Variants in TMEM260 observed in about 807,000 individuals in gnomAD.
TMEM260 encodes transmembrane protein 260.
In TMEM260, 82 loss-of-function variants were observed where a neutral mutation model predicts 88.9. That is an observed-to-expected ratio of 0.92 (90% CI 0.77 to 1.11). The LOEUF (loss-of-function observed/expected upper bound fraction) is 1.11. Among genes scored for constraint, TMEM260 ranks in the 50% least tolerant of loss-of-function variants. TMEM260 has a pLI of 0.00. For synonymous variants in TMEM260, 314 were observed against 309.3 expected (o/e 1.02, Z -0.16); for missense variants, 902 against 853.4 (o/e 1.06, Z -0.71).
At chr14:56,638,255 G>C (rs1281788531) in intron 15 of TMEM260, 2 of 151,588 alleles carry the variant, frequency 1.3e-5, no homozygotes, top group African/African-American at 4.9e-5. Context: ...CCAGCTTCTA[G>C]GCCCACTCTG....
chr14:56,601,089 C>T lies in TMEM260; in HGVS notation c.345-2726C>T, dbSNP rs546357196. Among the ~76,000 whole-genome samples the T allele has an allele frequency of 2.6e-5, 4 of 152,286 alleles. No homozygotes were observed. In the South Asian group the frequency reaches 6.2e-4, roughly 24 times the overall value. ...CATGTACCTAACTTTGTGTAACAAT[C>T]TAAGGTAACCAGATAAATGTTATCA... On this transcript the variant is annotated intron_variant, in intron 3 of 15. Transcript: ENST00000261556.
At chr14:56,600,864 C>T (rs1886531515) in intron 3 of TMEM260, among the ~76,000 whole-genome samples, 1 of 152,146 alleles carries the variant, frequency 6.6e-6, no homozygotes, top group African/African-American at 2.4e-5. Context: ...GATTTGATTT[C>T]CATTACTGGT....
chr14:56,629,399 C>G (rs1437102112), intron 12 of TMEM260, among the ~76,000 whole-genome samples: 2 of 150,424 alleles, frequency 1.3e-5, no homozygotes, highest in African/African-American at 2.4e-5. Flanking sequence ...TCATATAAGT[C>G]TTTTACTTTT....
downstream of TMEM260, among the ~76,000 whole-genome samples, chr14:56,650,787 G>C (rs1235858204): frequency 6.6e-6 from 1 of 152,006 alleles, no homozygotes; most frequent in African/African-American, 2.4e-5. Context: ...GTGAAATATT[G>C]TGAATCTTTC....
At position 56,648,690 on chromosome 14, in the gene TMEM260, A is replaced by G. The variant is rs959134056; in HGVS notation, c.*1193A>G. ...ATCAAAGGTCTCCTGTGGAGCTTGC[A>G]TGGTTCCCTTTCATACTACGACCAT... is the stretch of plus-strand genomic sequence containing the variant. On this transcript the variant is annotated 3_prime_UTR_variant, in exon 16 of 16. Transcript: ENST00000261556. 1.3e-5 allele frequency: 2 copies of G among 152,650 alleles called. No individual in the cohort carries two copies. Among genetic ancestry groups the G allele is most frequent in the Non-Finnish European group, 2.9e-5 (2 of 68,054 alleles). 9.5% of individuals were successfully genotyped at this position (152,650 alleles called of 1,614,324 possible). A position where few individuals can be genotyped will look rare whatever the true frequency, so the allele number is the denominator to read the frequency against.
intron 15 of TMEM260, among the ~76,000 whole-genome samples, chr14:56,645,194 C>G (rs1451266223): frequency 2.0e-5 from 3 of 150,544 alleles, no homozygotes; most frequent in African/African-American, 7.3e-5. Flanking sequence ...CACATGCACA[C>G]ATATGTTTAT....
chr14:56,628,323 C>T (rs982185801), intron 12 of TMEM260, among the ~76,000 whole-genome samples: 2 of 152,334 alleles, frequency 1.3e-5, no homozygotes, highest in Admixed American at 6.5e-5. Context: ...TACGCAACCT[C>T]TGTCAAATAT....
intron 3 of TMEM260, among the ~76,000 whole-genome samples, chr14:56,588,548 C>G (rs1275095555): frequency 6.7e-6 from 1 of 150,346 alleles, no homozygotes; most frequent in African/African-American, 2.5e-5. Context: ...ATGTCATTAA[C>G]ACTGCATTTT....
the TMEM260 span, among the ~76,000 whole-genome samples, chr14:56,662,769 TGCAAG>T: frequency 6.6e-6 from 1 of 152,238 alleles, no homozygotes; most frequent in African/African-American, 2.4e-5. Flanking sequence ...GAACCCTCAG[TGCAAG>T]GGCATTTGGG....
intron 10 of TMEM260, among the ~76,000 whole-genome samples, chr14:56,619,733 C>T (rs577984087): frequency 1.3e-5 from 2 of 152,252 alleles, no homozygotes; most frequent in South Asian, 4.1e-4. Flanking sequence ...TCTCTTTTAA[C>T]TTAACTTTAA....
rs1264983996 is a variant in TMEM260, at chr14:56,621,673, A to G, written c.1369A>G (p.Arg457Gly). The stretch of plus-strand genomic sequence containing the variant: ...TTACATGCATTACTGTGAGGGGTTG[A>G]GGCCTGACATTTCATTAGTGGATCA... ...LRYMHYCEGL[R>G]PDISLVDQEM... Residue 457 changes from arginine to glycine, a missense_variant, in exon 11 of 16, where the codon AGG (arginine) becomes GGG (glycine). Arg to Gly is a moderately radical substitution (Grantham distance 125). Transcript: ENST00000261556. 2 of 1,611,236 alleles carry G rather than the reference A, an allele frequency of 1.2e-6. No homozygotes were observed. Among genetic ancestry groups the G allele is most frequent in the African/African-American group, 2.7e-5 (2 of 74,856 alleles).
intron 15 of TMEM260, among the ~76,000 whole-genome samples, chr14:56,644,499 T>A (rs560532669): frequency 0.016 from 2,505 of 152,168 alleles, 61 homozygotes; most frequent in African/African-American, 0.056. Context: ...ATACAAAAAT[T>A]AATTCAAGAT....
intron 7 of TMEM260, among the ~76,000 whole-genome samples, chr14:56,614,653 A>C (rs752258015): frequency 1.3e-5 from 2 of 152,218 alleles, no homozygotes; most frequent in South Asian, 4.1e-4. Context: ...GGCCTCCTTT[A>C]CATTAAAATA....
chr14:56,597,703 G>T lies in TMEM260; in HGVS notation c.345-6112G>T, dbSNP rs756533145. 3.0e-4 allele frequency among the ~76,000 whole-genome samples: 45 copies of T among 152,284 alleles called. 1 individual carries two copies. The highest frequency in any genetic ancestry group is 3.4e-3 in the Middle Eastern group (1 of 294). ...GATGGCTTACCATGTTGTTGGATTGGTTTGAGTCTGAGGTGATGATAATAG... is the reference window on the plus strand; with the variant it reads ...GATGGCTTACCATGTTGTTGGATTGTTTTGAGTCTGAGGTGATGATAATAG... On this transcript the variant is annotated intron_variant, in intron 3 of 15. Coordinates refer to ENST00000261556, the MANE Select transcript of TMEM260 (RefSeq NM_017799.4).
In TMEM260 at chr14:56,596,414, A is replaced by ATG. The variant is rs1886223114; in HGVS notation, c.345-7400_345-7399insGT. ...TGTGTGTGTGTGTGTGTGTATATAT[A>ATG]TATATATATATACATACACACACAT... On this transcript the variant is annotated intron_variant, in intron 3 of 15. Transcript: ENST00000261556. Among the ~76,000 whole-genome samples the ATG allele has an allele frequency of 9.9e-5, 10 of 100,510 alleles. No individual in the cohort carries two copies. In the South Asian group the frequency reaches 3.3e-3, roughly 33 times the overall value. The allele number at this position is 100,510 out of a possible 152,430, so 65.9% of individuals were successfully genotyped here. A position where few individuals can be genotyped will look rare whatever the true frequency, so the allele number is the denominator to read the frequency against.
chr14:56,605,732 T>C (rs2060581602), intron 5 of TMEM260, 49 bp downstream of exon 5: 2 of 1,116,862 alleles, frequency 1.8e-6, no homozygotes, highest in Non-Finnish European at 2.6e-6. Context: ...TACTTAGGTC[T>C]AATATAACAT....
intron 7 of TMEM260, among the ~76,000 whole-genome samples, chr14:56,614,782 C>A (rs1005571427): frequency 2.0e-5 from 3 of 152,148 alleles, no homozygotes; most frequent in Non-Finnish European, 4.4e-5. Flanking sequence ...TCTTAGCACT[C>A]CCTGAATGAG....
At chr14:56,662,359 C>T in the TMEM260 span, among the ~76,000 whole-genome samples, 2 of 152,148 alleles carry the variant, frequency 1.3e-5, no homozygotes. Flanking sequence ...GTTTAACCTT[C>T]CCAAAGATGA....
At chr14:56,608,467 A>G (rs1566545588) in intron 5 of TMEM260, among the ~76,000 whole-genome samples, 1 of 152,186 alleles carries the variant, frequency 6.6e-6, no homozygotes, top group African/African-American at 2.4e-5. Context: ...TGAGAAATAT[A>G]TTTTCCCAAA....
Sources: allele counts gnomAD v4.1 joint callset (sites outside exome capture counted in the v4.1 genomes callset), GRCh38; gene constraint gnomAD v4.1.1; transcripts MANE v1.5; gene names NCBI Gene and HGNC (gene_info 2026-07-23, HGNC 2026-07-21).